Variants in SPOCK1 observed in about 807,000 individuals in gnomAD.
SPOCK1 encodes the protein testican-1.
Under a neutral mutation model 55.3 loss-of-function variants are expected in SPOCK1, and 23 were observed. The ratio of observed to expected loss-of-function variants is 0.42; its 90% CI spans 0.30 to 0.59. The LOEUF is 0.59. Ranked by LOEUF, SPOCK1 falls within the 20% of genes least tolerant of loss-of-function variation. The probability of loss-of-function intolerance (pLI) is 0.22; values close to 1 mark genes in which losing one functional copy is unlikely to be tolerated. For synonymous variants in SPOCK1, 226 were observed against 221.0 expected (o/e 1.02, Z -0.20); for missense variants, 499 against 552.5 (o/e 0.90, Z 0.97).
At chr5:137,314,377 G>C (rs1480678959) in intron 2 of SPOCK1, among the ~76,000 whole-genome samples, 3 of 152,210 alleles carry the variant, frequency 2.0e-5, no homozygotes, top group South Asian at 4.2e-4. Context: ...ATCTCCACCA[G>C]CTTCTGTGGG....
At chr5:137,022,093 T>C (rs949831224) in intron 6 of SPOCK1, among the ~76,000 whole-genome samples, 6 of 152,096 alleles carry the variant, frequency 3.9e-5, no homozygotes, top group Non-Finnish European at 8.8e-5. Flanking sequence ...CTACAGAGTA[T>C]GGAAGGACTG....
In SPOCK1 at chr5:137,495,472, C is replaced by A. The variant is rs142613551; in HGVS notation, c.186+2901G>T. Among the ~76,000 whole-genome samples, 69 of 152,350 alleles carry A rather than the reference C, an allele frequency of 4.5e-4. 1 individual carries two copies. In the East Asian group the frequency reaches 0.013, roughly 29 times the overall value. ...ATCTGAATCTCTCCCCCAAGTCCAA[C>A]AAAGAGACAAGTCAGGAGGAAGGCA... On this transcript the variant is annotated intron_variant, in intron 2 of 10. Coordinates refer to ENST00000394945, the MANE Select transcript of SPOCK1 (RefSeq NM_004598.4).
intron 3 of SPOCK1, among the ~76,000 whole-genome samples, chr5:137,247,083 A>G (rs1444007485): frequency 1.3e-5 from 2 of 152,244 alleles, no homozygotes; most frequent in African/African-American, 4.8e-5. Context: ...AACTGTCTGA[A>G]GGATGAAGAG....
chr5:137,302,883 T>C lies in SPOCK1; in HGVS notation c.187-35828A>G, dbSNP rs151305087. On this transcript the variant is annotated intron_variant, in intron 2 of 10. Coordinates refer to ENST00000394945, the MANE Select transcript of SPOCK1 (RefSeq NM_004598.4). Reference sequence around the variant, plus strand: ...GGGGTTGTTCCATTCATTTCCACAATAGTATTTTCAGATGTGGAACAGGTA... The same window carrying C: ...GGGGTTGTTCCATTCATTTCCACAACAGTATTTTCAGATGTGGAACAGGTA... Among the ~76,000 whole-genome samples, 321 of 152,228 alleles carry C rather than the reference T, an allele frequency of 2.1e-3. 1 individual carries two copies. The highest frequency in any genetic ancestry group is 7.1e-3 in the African/African-American group (296 of 41,530).
At chr5:137,084,951 A>G (rs1752934531) in intron 5 of SPOCK1, among the ~76,000 whole-genome samples, 1 of 114,724 alleles carries the variant, frequency 8.7e-6, no homozygotes, top group African/African-American at 3.0e-5. Context: ...GATTTATACA[A>G]AGCAAAAAAA....
intron 2 of SPOCK1, among the ~76,000 whole-genome samples, chr5:137,486,656 G>A (rs1304533554): frequency 6.6e-6 from 1 of 152,182 alleles, no homozygotes; most frequent in Non-Finnish European, 1.5e-5. Flanking sequence ...CAAAGATCTA[G>A]GACCTGGATG....
chr5:137,179,647 A>G (rs1401304439), intron 3 of SPOCK1, among the ~76,000 whole-genome samples: 2 of 152,102 alleles, frequency 1.3e-5, no homozygotes, highest in South Asian at 2.1e-4. Context: ...GCCTTGCTCT[A>G]TCTCCAGCAG....
At position 137,194,072 on chromosome 5, in the gene SPOCK1, C is replaced by T. The variant is rs7734454; in HGVS notation, c.233-53378G>A. On this transcript the variant is annotated intron_variant, in intron 3 of 10. Coordinates refer to ENST00000394945, the MANE Select transcript of SPOCK1 (RefSeq NM_004598.4). ...CCCTCTGAACAGCTTCTTCCCTTCGCCCTAAGAAAAAATATTGCACACCTC... is the reference window on the plus strand; with the variant it reads ...CCCTCTGAACAGCTTCTTCCCTTCGTCCTAAGAAAAAATATTGCACACCTC... Among the ~76,000 whole-genome samples, 679 of 152,224 alleles carry T rather than the reference C, an allele frequency of 4.5e-3. 11 individuals carry two copies. Among genetic ancestry groups the T allele is most frequent in the African/African-American group, 0.016 (660 of 41,538 alleles).
intron 6 of SPOCK1, among the ~76,000 whole-genome samples, chr5:137,007,979 G>C (rs996888085): frequency 6.6e-6 from 1 of 151,964 alleles, no homozygotes; most frequent in Non-Finnish European, 1.5e-5. Context: ...ATGAGTTCAC[G>C]TCCTTTGCAG....
chr5:137,475,574 T>TTATA (rs1333399219), intron 2 of SPOCK1, among the ~76,000 whole-genome samples: 1 of 150,178 alleles, frequency 6.7e-6, no homozygotes, highest in East Asian at 1.9e-4. Flanking sequence ...GTATCTTTAT[T>TTATA]TATTTATTTA....
At position 137,079,539 on chromosome 5, in the gene SPOCK1, C is replaced by CCCT. The variant is rs1561601613; in HGVS notation, c.475-11711_475-11710insAGG. 8.1e-5 allele frequency among the ~76,000 whole-genome samples: 12 copies of CCCT among 149,004 alleles called. 1 individual carries two copies. The highest frequency in any genetic ancestry group is 2.0e-4 in the African/African-American group (8 of 39,632). On this transcript the variant is annotated intron_variant, in intron 5 of 10. Coordinates refer to ENST00000394945, the MANE Select transcript of SPOCK1 (RefSeq NM_004598.4). ...TCCTACCATCCCATCTGATTCCCCC[C>CCCT]CCCCCCGACTTAGTGAAATGTCGTA...
At chr5:137,217,767 G>C (rs1160981129) in intron 3 of SPOCK1, among the ~76,000 whole-genome samples, 1 of 152,078 alleles carries the variant, frequency 6.6e-6, no homozygotes, top group Non-Finnish European at 1.5e-5. Flanking sequence ...AATCTTTTGT[G>C]GTAAGGACTA....
intron 4 of SPOCK1, among the ~76,000 whole-genome samples, chr5:137,127,470 G>T (rs1435802611): frequency 2.0e-5 from 3 of 152,268 alleles, no homozygotes; most frequent in Non-Finnish European, 4.4e-5. Flanking sequence ...GGGCAACACA[G>T]CCATCTCAAT....
At chr5:137,392,495 T>G (rs1187329050) in intron 2 of SPOCK1, among the ~76,000 whole-genome samples, 6 of 152,214 alleles carry the variant, frequency 3.9e-5, no homozygotes, top group Admixed American at 3.9e-4. Flanking sequence ...TATGTGCTGC[T>G]CCCAGGGGTG....
At chr5:137,166,458 G>T (rs1754650460) in intron 3 of SPOCK1, among the ~76,000 whole-genome samples, 1 of 150,614 alleles carries the variant, frequency 6.6e-6, no homozygotes, top group South Asian at 2.1e-4. Context: ...ACATTAATGA[G>T]CAATAAGACA....
intron 3 of SPOCK1, among the ~76,000 whole-genome samples, chr5:137,150,125 C>T (rs1343433243): frequency 6.6e-6 from 1 of 152,128 alleles, no homozygotes; most frequent in African/African-American, 2.4e-5. Flanking sequence ...GATCCTGGAG[C>T]CATAATTCTG....
At chr5:137,386,212 A>G (rs1037263161) in intron 2 of SPOCK1, among the ~76,000 whole-genome samples, 1 of 152,266 alleles carries the variant, frequency 6.6e-6, no homozygotes, top group African/African-American at 2.4e-5. Flanking sequence ...CAAAACTCTG[A>G]TGAAAGAAAT....
chr5:137,285,577 A>G (rs1016272498), intron 2 of SPOCK1, among the ~76,000 whole-genome samples: 4 of 152,240 alleles, frequency 2.6e-5, no homozygotes, highest in African/African-American at 7.2e-5. Flanking sequence ...ATTAGAAATC[A>G]TCAAGAGCCA....
intron 3 of SPOCK1, among the ~76,000 whole-genome samples, chr5:137,233,635 AT>A (rs1208633061): frequency 7.2e-6 from 1 of 139,072 alleles, no homozygotes; most frequent in Non-Finnish European, 1.5e-5. Flanking sequence ...ATATCTAAAT[AT>A]TTCTTTTTCT....
Sources: gnomAD v4.1 joint callset for allele counts (sites outside exome capture counted in the v4.1 genomes callset) on GRCh38, gnomAD v4.1.1 for gene constraint, MANE v1.5 for transcripts, NCBI Gene and HGNC (gene_info 2026-07-23, HGNC 2026-07-21) for gene names.